The following PARD3B variants were observed in gnomAD, a reference collection of about 807,000 sequenced individuals.
The protein encoded by PARD3B is par-3 family cell polarity regulator beta, also known as partitioning defective 3 homolog B.
In PARD3B, 103 loss-of-function variants were observed where a neutral mutation model predicts 130.2. The ratio of observed to expected loss-of-function variants is 0.79; its 90% CI spans 0.67 to 0.93. PARD3B has a LOEUF of 0.93. PARD3B is among the 40% of genes least tolerant of loss of function. The pLI is 0.00. For synonymous variants in PARD3B, 583 were observed against 553.2 expected, an observed-to-expected ratio of 1.05 and a Z score of -0.76; for missense variants, 1,609 against 1,499.2, an observed-to-expected ratio of 1.07 and a Z score of -1.21.
In PARD3B at chr2:204,623,998, A is replaced by ATATTCCAT. The variant is rs1323468567; in HGVS notation, c.121-62182_121-62175dup. On this transcript the variant is annotated intron_variant, in intron 1 of 22. Coordinates refer to ENST00000406610, the MANE Select transcript of PARD3B (RefSeq NM_001302769.2). This position sits in a 1 kb window ranked among gnomAD's most constrained non-coding sequence, Gnocchi z 4.5. ...GGACTTTCTTTTTAGAGGCTGCATA[A>ATATTCCAT]TATTCCATGGTATGTATATACTACA... is the stretch of plus-strand genomic sequence containing the variant. Among the ~76,000 whole-genome samples the ATATTCCAT allele has an allele frequency of 1.2e-4, 18 of 152,148 alleles. No homozygotes were observed. The highest frequency in any genetic ancestry group is 5.9e-5 in the Non-Finnish European group (4 of 68,010).
chr2:204,648,495 T>C (rs965756191), intron 1 of PARD3B, among the ~76,000 whole-genome samples: 5 of 145,494 alleles, frequency 3.4e-5, no homozygotes, highest in East Asian at 2.0e-4. Context: ...GGTAAATACT[T>C]AGTAATTCAT....
intron 21 of PARD3B, among the ~76,000 whole-genome samples, chr2:205,523,906 T>C (rs1446896206): frequency 6.6e-6 from 1 of 151,604 alleles, no homozygotes; most frequent in African/African-American, 2.4e-5. Context: ...ATATTCTTTA[T>C]ATATAAATCT....
Position 204,887,151 on chromosome 2 carries a change from A to G in PARD3B, c.223-78001A>G, listed in dbSNP as rs1012998009. ...TTTATTTAGGGAAGTTATCTGTTCA[A>G]TTGAGATGAATGGTAATGGGATTAT... is the stretch of plus-strand genomic sequence containing the variant. On this transcript the variant is annotated intron_variant, in intron 2 of 22. Transcript: ENST00000406610. The surrounding 1 kb of genome is among the most constrained non-coding windows in gnomAD (Gnocchi z 4.2). Among the ~76,000 whole-genome samples the G allele has an allele frequency of 6.6e-6, 1 of 152,200 alleles. No individual in the cohort carries two copies. The highest frequency in any genetic ancestry group is 2.1e-4 in the South Asian group (1 of 4,832).
At chr2:204,710,489 T>C (rs2038381132) in intron 2 of PARD3B, among the ~76,000 whole-genome samples, 1 of 152,322 alleles carries the variant, frequency 6.6e-6, no homozygotes, top group Non-Finnish European at 1.5e-5. Context: ...CTTGCAGTCA[T>C]TTGAAGAAAT....
At chr2:204,604,715 T>A (rs2033645812) in intron 1 of PARD3B, among the ~76,000 whole-genome samples, 1 of 152,154 alleles carries the variant, frequency 6.6e-6, no homozygotes, top group African/African-American at 2.4e-5. Context: ...TTTGATATAG[T>A]AGATTGATAT....
At chr2:205,149,848 G>C (rs2125692372) in intron 10 of PARD3B, among the ~76,000 whole-genome samples, 1 of 152,312 alleles carries the variant, frequency 6.6e-6, no homozygotes, top group South Asian at 2.1e-4. Flanking sequence ...ATGTCTGAAA[G>C]CATTTTAATT....
chr2:204,934,611 C>T (rs1688272197), intron 2 of PARD3B, among the ~76,000 whole-genome samples: 1 of 151,996 alleles, frequency 6.6e-6, no homozygotes, highest in African/African-American at 2.4e-5. Context: ...ATATTTAAAA[C>T]CTGCTTATTA....
intron 15 of PARD3B, among the ~76,000 whole-genome samples, chr2:205,220,765 T>C (rs924210645): frequency 2.0e-5 from 3 of 152,106 alleles, no homozygotes; most frequent in Non-Finnish European, 4.4e-5. Context: ...GGAGATAAGA[T>C]CAAAGGAGGT....
At chr2:204,927,839 CGTAG>C (rs540664848) in intron 2 of PARD3B, among the ~76,000 whole-genome samples, 25 of 142,000 alleles carry the variant, frequency 1.8e-4, no homozygotes, top group South Asian at 4.3e-4. Flanking sequence ...TAGGTAGGTA[CGTAG>C]GTAGGTAGGT....
At chr2:204,707,667 A>T (rs929483729) in intron 2 of PARD3B, among the ~76,000 whole-genome samples, 2 of 152,164 alleles carry the variant, frequency 1.3e-5, no homozygotes, top group Non-Finnish European at 2.9e-5. Context: ...CAGGATTGCA[A>T]TAAGCCCTTT....
In PARD3B at chr2:204,606,314, C is replaced by T. The variant is rs969735803; in HGVS notation, c.120+60195C>T. Among the ~76,000 whole-genome samples, 2 of 152,062 alleles carry T rather than the reference C, an allele frequency of 1.3e-5. No individual in the cohort carries two copies. The highest frequency in any genetic ancestry group is 1.3e-4 in the Admixed American group (2 of 15,244). On this transcript the variant is annotated intron_variant, in intron 1 of 22. Transcript: ENST00000406610. This position sits in a 1 kb window ranked among gnomAD's most constrained non-coding sequence, Gnocchi z 4.0. The stretch of plus-strand genomic sequence containing the variant: ...TCTGGAAACCTCAGTGGCTTTAGTA[C>T]TTTTTAGTACTAAGAGGACTACTTT...
chr2:204,879,647 G>A (rs2045965521), intron 2 of PARD3B, among the ~76,000 whole-genome samples: 1 of 152,178 alleles, frequency 6.6e-6, no homozygotes. Context: ...GGGGTATAGT[G>A]CAAGATTCTG....
intron 2 of PARD3B, among the ~76,000 whole-genome samples, chr2:204,692,248 C>T (rs547250308): frequency 3.3e-5 from 5 of 152,054 alleles, no homozygotes; most frequent in African/African-American, 1.2e-4. Context: ...GAGAATAAAG[C>T]CAGAGTTTGC....
At chr2:205,170,786 T>TC (rs1487688443) in intron 11 of PARD3B, among the ~76,000 whole-genome samples, 1 of 148,550 alleles carries the variant, frequency 6.7e-6, no homozygotes, top group Non-Finnish European at 1.5e-5. Context: ...CATTTCTTTT[T>TC]TTTTTCTTTT....
At chr2:205,214,042 T>A (rs1448429446) in intron 15 of PARD3B, among the ~76,000 whole-genome samples, 1 of 152,140 alleles carries the variant, frequency 6.6e-6, no homozygotes, top group Non-Finnish European at 1.5e-5. Context: ...TTACAGGCAT[T>A]CTTTTTTCCT....
intron 2 of PARD3B, among the ~76,000 whole-genome samples, chr2:204,741,855 AT>A (rs148523696): frequency 5.3e-5 from 8 of 150,652 alleles, no homozygotes; most frequent in South Asian, 2.1e-4. Context: ...TCTAAAAGCA[AT>A]TTTTTTTTTC....
chr2:205,361,788 G>A (rs1278206613), intron 18 of PARD3B, among the ~76,000 whole-genome samples: 1 of 151,972 alleles, frequency 6.6e-6, no homozygotes, highest in Non-Finnish European at 1.5e-5. Context: ...ATCTGGCTAC[G>A]TTTTACTCTC....
chr2:205,547,768 T>TAGTC (rs1293644141), intron 21 of PARD3B, among the ~76,000 whole-genome samples: 2 of 152,222 alleles, frequency 1.3e-5, no homozygotes. Context: ...ACCTCTCATT[T>TAGTC]AGTCAGTCTT....
At chr2:205,362,871 T>C (rs4595957) in intron 18 of PARD3B, among the ~76,000 whole-genome samples, 91,232 of 152,106 alleles carry the variant, frequency 0.6, 30,664 homozygotes, top group South Asian at 0.77. Flanking sequence ...CATTATATTC[T>C]TGGTGATGGA....
Sources: allele counts gnomAD v4.1 joint callset (sites outside exome capture counted in the v4.1 genomes callset), GRCh38; gene constraint gnomAD v4.1.1; non-coding constraint Gnocchi (gnomAD v3.1); transcripts MANE v1.5; gene names NCBI Gene and HGNC (gene_info 2026-07-23, HGNC 2026-07-21).